ADGRB3: variants seen among roughly 807,000 people sequenced by gnomAD.
ADGRB3 encodes the protein brain-specific angiogenesis inhibitor 3.
In ADGRB3, 37 loss-of-function variants were observed where a neutral mutation model predicts 193.4. The ratio of observed to expected loss-of-function variants is 0.19; its 90% CI spans 0.15 to 0.25. The LOEUF is 0.25. Among genes scored for constraint, ADGRB3 ranks in the 10% least tolerant of loss-of-function variants. The pLI, the probability that ADGRB3 is intolerant of heterozygous loss-of-function variation, is 1.00. For synonymous variants in ADGRB3, 690 were observed against 644.2 expected, an observed-to-expected ratio of 1.07 and a Z score of -1.08; for missense variants, 1,637 against 1,852.9, an observed-to-expected ratio of 0.88 and a Z score of 2.14.
At chr6:69,298,605 A>T (rs1393668591) in intron 20 of ADGRB3, among the ~76,000 whole-genome samples, 1 of 151,908 alleles carries the variant, frequency 6.6e-6, no homozygotes, top group African/African-American at 2.4e-5. Flanking sequence ...CAATATTTTT[A>T]GCTCTCACAT....
chr6:68,919,106 C>G (rs1423285543), intron 3 of ADGRB3, among the ~76,000 whole-genome samples: 2 of 152,004 alleles, frequency 1.3e-5, no homozygotes, highest in African/African-American at 4.8e-5. Context: ...CTCTGGAAGC[C>G]TCAGTAAACT....
At chr6:69,097,738 C>T (rs1449743426) in intron 17 of ADGRB3, among the ~76,000 whole-genome samples, 1 of 151,730 alleles carries the variant, frequency 6.6e-6, no homozygotes, top group Non-Finnish European at 1.5e-5. Context: ...ATGGCTGCTG[C>T]AGACATTGGA....
chr6:68,953,860 A>G (rs925503797), intron 6 of ADGRB3, among the ~76,000 whole-genome samples: 1 of 152,218 alleles, frequency 6.6e-6, no homozygotes, highest in African/African-American at 2.4e-5. Flanking sequence ...GGATTTTCAT[A>G]GCACCATTAG....
At chr6:68,788,867 G>C (rs1395819961) in intron 3 of ADGRB3, among the ~76,000 whole-genome samples, 1 of 152,206 alleles carries the variant, frequency 6.6e-6, no homozygotes, top group Non-Finnish European at 1.5e-5. Flanking sequence ...ATATAGGATA[G>C]TTAGCTCTTC....
chr6:68,769,544 G>A (rs1472736647), intron 3 of ADGRB3, among the ~76,000 whole-genome samples: 1 of 152,048 alleles, frequency 6.6e-6, no homozygotes, highest in South Asian at 2.1e-4. Flanking sequence ...GTTGGAGGTT[G>A]GGGGGTTAGG....
intron 17 of ADGRB3, among the ~76,000 whole-genome samples, chr6:69,219,693 A>G (rs1226819547): frequency 1.3e-5 from 2 of 151,588 alleles, no homozygotes; most frequent in Non-Finnish European, 3.0e-5. Flanking sequence ...CTGAATCAGT[A>G]AGCAAAATTT....
Position 69,106,179 on chromosome 6 carries a change from A to AAAAAAG in ADGRB3, c.2480+30145_2480+30146insAGAAAA, listed in dbSNP as rs1554143751. 5.0e-5 allele frequency among the ~76,000 whole-genome samples: 7 copies of AAAAAAG among 140,730 alleles called. 1 individual carries two copies. The highest frequency in any genetic ancestry group is 1.5e-4 in the African/African-American group (6 of 39,360). 92.3% of individuals were successfully genotyped at this position (140,730 alleles called of 152,430 possible). A position where few individuals can be genotyped will look rare whatever the true frequency, so the allele number is the denominator to read the frequency against. ...GAGACTGCGTTAAAAAAAAAAAAAA[A>AAAAAAG]AAAAGAAAAGAAAAGAAAAAAGAAA... On this transcript the variant is annotated intron_variant, in intron 17 of 31. Transcript: ENST00000370598.
chr6:69,004,897 T>C (rs1011879319), intron 11 of ADGRB3, among the ~76,000 whole-genome samples: 6 of 152,152 alleles, frequency 3.9e-5, no homozygotes, highest in African/African-American at 1.4e-4. Context: ...TCAGTCATCT[T>C]TCTTCAGGAC....
At chr6:69,115,357 A>C (rs1304018199) in intron 17 of ADGRB3, among the ~76,000 whole-genome samples, 2 of 152,126 alleles carry the variant, frequency 1.3e-5, no homozygotes, top group African/African-American at 4.8e-5. Flanking sequence ...AGAAAAACAA[A>C]CACCGCATGT....
At position 69,018,373 on chromosome 6, in the gene ADGRB3, C is replaced by T; in HGVS notation, c.1999-18C>T. 6.6e-7 allele frequency: 1 copy of T among 1,515,112 alleles called. No individual in the cohort carries two copies. The highest frequency in any genetic ancestry group is 9.1e-7 in the Non-Finnish European group (1 of 1,101,198). 93.9% of individuals were successfully genotyped at this position (1,515,112 alleles called of 1,614,324 possible). A position where few individuals can be genotyped will look rare whatever the true frequency, so the allele number is the denominator to read the frequency against. On this transcript the variant is annotated intron_variant, in intron 12 of 31. Coordinates refer to ENST00000370598, the MANE Select transcript of ADGRB3 (RefSeq NM_001704.3). ...GTATAGATTTTTTATTCCTTCTAAC[C>T]TTTGCTTATTTTTCTAGATTTATCC...
chr6:69,309,013 C>A (rs895784755), intron 20 of ADGRB3, among the ~76,000 whole-genome samples: 1 of 151,620 alleles, frequency 6.6e-6, no homozygotes, highest in Non-Finnish European at 1.5e-5. Flanking sequence ...GTTATGAGAA[C>A]AAGGAAAGAA....
intron 6 of ADGRB3, among the ~76,000 whole-genome samples, chr6:68,952,712 C>T (rs1767961561): frequency 6.6e-6 from 1 of 152,068 alleles, no homozygotes. Flanking sequence ...TCTTTTGGTT[C>T]TCAGTGTAAA....
Position 69,076,150 on chromosome 6 carries a change from C to T in ADGRB3, c.2480+112C>T, listed in dbSNP as rs1368438250. On this transcript the variant is annotated intron_variant, in intron 17 of 31. Coordinates refer to ENST00000370598, the MANE Select transcript of ADGRB3 (RefSeq NM_001704.3). Reference sequence around the variant, plus strand: ...ATATAAGTCAGTGGGATGTTGCATTCAGAGAAAAAAAAATCCTCTTTTTGA... The same window carrying T: ...ATATAAGTCAGTGGGATGTTGCATTTAGAGAAAAAAAAATCCTCTTTTTGA... 46 of 845,218 alleles carry T rather than the reference C, an allele frequency of 5.4e-5. 1 individual carries two copies. The highest frequency in any genetic ancestry group is 8.2e-5 in the Non-Finnish European group (45 of 547,960). The allele number at this position is 845,218 out of a possible 1,614,324, so 52.4% of individuals were successfully genotyped here.
intron 3 of ADGRB3, among the ~76,000 whole-genome samples, chr6:68,677,843 G>C (rs966238878): frequency 2.0e-5 from 3 of 152,076 alleles, no homozygotes; most frequent in Non-Finnish European, 4.4e-5. Flanking sequence ...CTGACCTCAA[G>C]TGATCTACCG....
chr6:68,945,270 T>G (rs1448911099), intron 6 of ADGRB3, among the ~76,000 whole-genome samples: 1 of 152,098 alleles, frequency 6.6e-6, no homozygotes, highest in African/African-American at 2.4e-5. Context: ...TTTCCTAAAA[T>G]TTTATTAATT....
intron 30 of ADGRB3, 35 bp from the exon 31 acceptor site, chr6:69,382,796 G>C: frequency 7.0e-7 from 1 of 1,424,206 alleles, no homozygotes; most frequent in Non-Finnish European, 9.7e-7. Flanking sequence ...CATACATCAA[G>C]TTGGGGATGA....
intron 8 of ADGRB3, among the ~76,000 whole-genome samples, chr6:68,958,291 G>C (rs904655542): frequency 1.3e-5 from 2 of 152,170 alleles, no homozygotes; most frequent in Non-Finnish European, 2.9e-5. Context: ...GGGTTGTTAA[G>C]AGGATGATAC....
In ADGRB3 at chr6:69,221,747, AG is replaced by A. The variant is rs1407875856; in HGVS notation, c.2481-11541del. On this transcript the variant is annotated intron_variant, in intron 17 of 31. Transcript: ENST00000370598. ...TTTAAATACTCATAATTTTGAAAGA[AG>A]GTGTTCTTCTGAGTGGAAGGTTTCC... is the stretch of plus-strand genomic sequence containing the variant. 2.0e-5 allele frequency among the ~76,000 whole-genome samples: 3 copies of A among 152,308 alleles called. No individual in the cohort carries two copies. In the East Asian group the frequency reaches 5.8e-4, roughly 29 times the overall value.
chr6:69,328,425 T>G (rs1295933413), intron 22 of ADGRB3, among the ~76,000 whole-genome samples: 1 of 152,138 alleles, frequency 6.6e-6, no homozygotes, highest in African/African-American at 2.4e-5. Flanking sequence ...TCAGCTTATT[T>G]TATAGTGGTA....
Sources: allele counts gnomAD v4.1 joint callset (sites outside exome capture counted in the v4.1 genomes callset), GRCh38; gene constraint gnomAD v4.1.1; transcripts MANE v1.5; gene names NCBI Gene and HGNC (gene_info 2026-07-23, HGNC 2026-07-21).